Variants in EXOC6B observed in about 807,000 individuals in gnomAD.
EXOC6B encodes the protein SEC15 homolog B.
In EXOC6B, 54 loss-of-function variants were observed where a neutral mutation model predicts 113.5. The observed-to-expected ratio is 0.48, with a 90% CI of 0.38 to 0.60. EXOC6B has a LOEUF of 0.60. Ranked by LOEUF, EXOC6B falls within the 20% of genes least tolerant of loss-of-function variation. The pLI is 0.00. For missense variants in EXOC6B, 797 were observed against 977.5 expected (o/e 0.82, Z 2.46); for synonymous variants, 357 against 339.0 (o/e 1.05, Z -0.58).
chr2:72,201,062 T>A (rs1417001582), intron 20 of EXOC6B, among the ~76,000 whole-genome samples: 1 of 152,096 alleles, frequency 6.6e-6, no homozygotes, highest in East Asian at 1.9e-4. Flanking sequence ...ATAAATAATA[T>A]ATGGTAATGT....
intron 20 of EXOC6B, among the ~76,000 whole-genome samples, chr2:72,240,861 G>C (rs2104506018): frequency 6.6e-6 from 1 of 152,248 alleles, no homozygotes. Flanking sequence ...TAAAAATCAG[G>C]AAGTCATATT....
intron 7 of EXOC6B, among the ~76,000 whole-genome samples, chr2:72,559,773 A>T (rs1703784344): frequency 6.6e-6 from 1 of 152,230 alleles, no homozygotes; most frequent in African/African-American, 2.4e-5. Context: ...AAAGAGAAAC[A>T]GGTGGCACCA....
chr2:72,201,511 A>G (rs1248227620), intron 20 of EXOC6B, among the ~76,000 whole-genome samples: 2 of 152,110 alleles, frequency 1.3e-5, no homozygotes, highest in Non-Finnish European at 2.9e-5. Context: ...GGCAGAGAAA[A>G]CTCAGATGAT....
chr2:72,748,891 T>C (rs139196934), intron 1 of EXOC6B, among the ~76,000 whole-genome samples: 1 of 152,060 alleles, frequency 6.6e-6, no homozygotes, highest in East Asian at 1.9e-4. Flanking sequence ...AACAGACTAT[T>C]AGGAAATAAA....
intron 6 of EXOC6B, among the ~76,000 whole-genome samples, chr2:72,674,688 G>A (rs768090369): frequency 1.4e-4 from 21 of 152,054 alleles, no homozygotes; most frequent in Admixed American, 7.2e-4. Context: ...AAAATTAGCC[G>A]GGCGTGGTGG....
chr2:72,732,608 T>C (rs1049485377), intron 3 of EXOC6B, among the ~76,000 whole-genome samples: 3 of 151,366 alleles, frequency 2.0e-5, no homozygotes, highest in African/African-American at 4.9e-5. Context: ...GAGAATGACA[T>C]ACAAAAAAAA....
At chr2:72,445,329 T>C (rs1018671155) in intron 18 of EXOC6B, among the ~76,000 whole-genome samples, 24 of 152,164 alleles carry the variant, frequency 1.6e-4, no homozygotes, top group African/African-American at 5.8e-4. Context: ...CTCTAGGCAG[T>C]TCCAAACTTT....
chr2:72,390,079 T>G lies in EXOC6B; in HGVS notation c.1981-10209A>C, dbSNP rs1486993604. Among the ~76,000 whole-genome samples, 6 of 152,282 alleles carry G rather than the reference T, an allele frequency of 3.9e-5. No homozygotes were observed. The East Asian group carries it at 1.2e-3, about 29-fold the overall frequency. On this transcript the variant is annotated intron_variant, in intron 18 of 21. Transcript: ENST00000272427. ...CAGCCTGGGTGACAGAGCGAGACTC[T>G]GTCTCAACAACAACGAAAAATTCTT... is the stretch of plus-strand genomic sequence containing the variant.
chr2:72,678,306 A>C (rs1399925096), intron 6 of EXOC6B, among the ~76,000 whole-genome samples: 1 of 152,176 alleles, frequency 6.6e-6, no homozygotes, highest in African/African-American at 2.4e-5. Context: ...TTTGTGTTTC[A>C]AGGCCTATAA....
rs192185779 is a variant in EXOC6B, at chr2:72,782,978, C to T, written c.114-41509G>A. Among the ~76,000 whole-genome samples, 19 of 152,342 alleles carry T rather than the reference C, an allele frequency of 1.2e-4. No homozygotes were observed. The East Asian group carries it at 3.7e-3, about 29-fold the overall frequency. ...TTGCTATGTTTTTTGCCCTGCAAAA[C>T]AGCATGGAAGTGCAGTTATCCCTCT... On this transcript the variant is annotated intron_variant, in intron 1 of 21. Transcript: ENST00000272427.
intron 20 of EXOC6B, among the ~76,000 whole-genome samples, chr2:72,256,947 T>G (rs1465373327): frequency 6.6e-6 from 1 of 152,208 alleles, no homozygotes; most frequent in Non-Finnish European, 1.5e-5. Context: ...ATCTGGAATC[T>G]ATTTATTCCA....
At chr2:72,638,172 A>G (rs1347639156) in intron 6 of EXOC6B, among the ~76,000 whole-genome samples, 1 of 152,166 alleles carries the variant, frequency 6.6e-6, no homozygotes, top group African/African-American at 2.4e-5. Flanking sequence ...AAAAGGAGAC[A>G]TTACAACCAT....
chr2:72,609,987 A>G (rs1670977668), intron 6 of EXOC6B, among the ~76,000 whole-genome samples: 1 of 152,152 alleles, frequency 6.6e-6, no homozygotes, highest in Non-Finnish European at 1.5e-5. Context: ...GAAAAAAATT[A>G]ACAGAATCTT....
chr2:72,637,780 A>T (rs561169601), intron 6 of EXOC6B, among the ~76,000 whole-genome samples: 34 of 148,910 alleles, frequency 2.3e-4, no homozygotes, highest in Non-Finnish European at 4.3e-4. Context: ...ACACAGCAAG[A>T]CTCTGTCTCA....
At position 72,185,358 on chromosome 2, in the gene EXOC6B, T is replaced by C. The variant is rs191359019; in HGVS notation, c.2197-1171A>G. 2.9e-3 allele frequency among the ~76,000 whole-genome samples: 438 copies of C among 152,400 alleles called. 2 individuals carry two copies. The highest frequency in any genetic ancestry group is 0.01 in the African/African-American group (421 of 41,606). On this transcript the variant is annotated intron_variant, in intron 20 of 21. Transcript: ENST00000272427. ...TCCATGTCTGTCTTCACTGTGCAGC[T>C]GGGCAAACAGGCAGTATGGGCCTTG...
intron 20 of EXOC6B, among the ~76,000 whole-genome samples, chr2:72,250,175 T>G (rs1467420259): frequency 6.6e-6 from 1 of 152,226 alleles, no homozygotes; most frequent in Non-Finnish European, 1.5e-5. Flanking sequence ...TCAATCATTT[T>G]TATAATTTGG....
intron 6 of EXOC6B, among the ~76,000 whole-genome samples, chr2:72,611,406 A>G (rs1671067304): frequency 6.6e-6 from 1 of 152,054 alleles, no homozygotes; most frequent in African/African-American, 2.4e-5. Context: ...ACAAGGAAAG[A>G]TTTAGAAACC....
chr2:72,469,387 T>C (rs1558699745), intron 17 of EXOC6B, among the ~76,000 whole-genome samples: 4 of 152,066 alleles, frequency 2.6e-5, no homozygotes, highest in Non-Finnish European at 4.4e-5. Context: ...GGTGTAAGTA[T>C]AGATTATTAA....
At chr2:72,235,786 G>A (rs1471759557) in intron 20 of EXOC6B, among the ~76,000 whole-genome samples, 1 of 151,822 alleles carries the variant, frequency 6.6e-6, no homozygotes, top group South Asian at 2.1e-4. Context: ...TTGGTGTCTC[G>A]GTAGCCTTTC....
Sources: gnomAD v4.1 joint callset for allele counts (sites outside exome capture counted in the v4.1 genomes callset) on GRCh38, gnomAD v4.1.1 for gene constraint, MANE v1.5 for transcripts, NCBI Gene and HGNC (gene_info 2026-07-23, HGNC 2026-07-21) for gene names.